Variants in ATRX observed in about 807,000 individuals in gnomAD.
ATRX encodes the protein chromatin remodeler ATRX.
ATRX carries 12 observed loss-of-function variants against 172.6 expected under a neutral mutation model. The observed-to-expected ratio is 0.07, with a 90% confidence interval of 0.04 to 0.11. The LOEUF (loss-of-function observed/expected upper bound fraction) is 0.11. Ranked by LOEUF, ATRX falls within the 10% of genes least tolerant of loss-of-function variation. The pLI, the probability that ATRX is intolerant of heterozygous loss-of-function variation, is 1.00. For synonymous variants in ATRX, 674 were observed against 594.7 expected, an observed-to-expected ratio of 1.13 and a Z score of -1.94; for missense variants, 1,368 against 1,767.4, an observed-to-expected ratio of 0.77 and a Z score of 4.05.
At chrX:77,528,915 C>T (rs1557045163) in intron 30 of ATRX, among the ~76,000 whole-genome samples, 1 of 111,746 alleles carries the variant, frequency 8.9e-6, no homozygotes, top group Non-Finnish European at 1.9e-5. Context: ...CTAAGAATCA[C>T]GATAAAACAA....
intron 19 of ATRX, among the ~76,000 whole-genome samples, chrX:77,622,778 A>G (rs1278309583): frequency 1.1e-4 from 12 of 110,402 alleles, no homozygotes; most frequent in Non-Finnish European, 2.3e-4. Context: ...TCGGCGCTGG[A>G]GGGGTAGGGG....
At chrX:77,657,613 A>T (rs1701814053) in intron 12 of ATRX, among the ~76,000 whole-genome samples, 4 of 111,596 alleles carry the variant, frequency 3.6e-5, no homozygotes, top group African/African-American at 1.3e-4. Flanking sequence ...TATTGATATA[A>T]ATAATGCAAT....
At position 77,568,207 on chromosome X, in the gene ATRX, T is replaced by C. The variant is rs1314686488; in HGVS notation, c.6326+6043A>G. On this transcript the variant is annotated intron_variant, in intron 28 of 34. Transcript: ENST00000373344. ...AATCAAGGGAATAAAACACTAGTTATTTGTAACAATTAATGAAACTGACAA... is the reference window on the plus strand; with the variant it reads ...AATCAAGGGAATAAAACACTAGTTACTTGTAACAATTAATGAAACTGACAA... 5.5e-5 allele frequency among the ~76,000 whole-genome samples: 6 copies of C among 108,171 alleles called. No individual in the cohort carries two copies. The Admixed American group carries it at 5.9e-4, about 11-fold the overall frequency. The allele number at this position is 108,171 out of a possible 115,157, so 93.9% of individuals were successfully genotyped here. A position where few individuals can be genotyped will look rare whatever the true frequency, so the allele number is the denominator to read the frequency against.
intron 1 of ATRX, among the ~76,000 whole-genome samples, chrX:77,747,789 A>AT (rs1232065248): frequency 4.5e-5 from 5 of 111,557 alleles, no homozygotes; most frequent in Non-Finnish European, 5.6e-5. Flanking sequence ...ATTTCTGACT[A>AT]TATCTAATCT....
chrX:77,680,827 A>T (rs2071146157), intron 9 of ATRX, among the ~76,000 whole-genome samples: 1 of 111,697 alleles, frequency 9.0e-6, no homozygotes, highest in Non-Finnish European at 1.9e-5. Flanking sequence ...ACTTATTTTT[A>T]AAATTATTTT....
At chrX:77,737,223 T>G (rs1317814926) in intron 1 of ATRX, among the ~76,000 whole-genome samples, 3 of 109,899 alleles carry the variant, frequency 2.7e-5, no homozygotes, top group Admixed American at 1.9e-4. Flanking sequence ...AGGAGTTCGA[T>G]AGCAGCCTGG....
intron 12 of ATRX, 81 bp from the exon 13 acceptor site, chrX:77,656,734 A>G: frequency 1.3e-6 from 1 of 772,230 alleles, no homozygotes; most frequent in South Asian, 2.5e-5. Context: ...CTGACTCGAC[A>G]TTAAAACAGA....
At chrX:77,638,655 C>T (rs1382748275) in intron 15 of ATRX, among the ~76,000 whole-genome samples, 2 of 112,530 alleles carry the variant, frequency 1.8e-5, no homozygotes, top group African/African-American at 6.5e-5. Flanking sequence ...TAAAACCATA[C>T]GATCATTGTC....
intron 22 of ATRX, among the ~76,000 whole-genome samples, chrX:77,602,326 C>CT (rs34574320): frequency 3.7e-5 from 4 of 108,765 alleles, no homozygotes; most frequent in East Asian, 2.9e-4. Context: ...TTAGCTGTGC[C>CT]TTTTTTTTTC....
chrX:77,632,058 GCA>G (rs1557105825), intron 19 of ATRX, among the ~76,000 whole-genome samples: 1 of 110,388 alleles, frequency 9.1e-6, no homozygotes, highest in Non-Finnish European at 1.9e-5. Context: ...GAGTGCAGTG[GCA>G]CAATCTTGGC....
chrX:77,759,374 C>T (rs2075633518), intron 1 of ATRX, among the ~76,000 whole-genome samples: 2 of 108,841 alleles, frequency 1.8e-5, no homozygotes, highest in Admixed American at 2.0e-4. Context: ...AAAAAAACAA[C>T]AACTATCCAC....
chrX:77,724,381 GA>G (rs1224450483), intron 1 of ATRX, among the ~76,000 whole-genome samples: 18 of 102,082 alleles, frequency 1.8e-4, no homozygotes, highest in African/African-American at 6.4e-4. Flanking sequence ...ATTTGAAAAA[GA>G]AAAAAAAAAC....
intron 34 of ATRX, 35 bp from the exon 35 acceptor site, chrX:77,508,664 T>C (rs1557034994): frequency 8.3e-7 from 1 of 1,204,701 alleles, no homozygotes; most frequent in East Asian, 3.0e-5. Context: ...TACAAGTGCA[T>C]GACCTGTCTC....
rs2063255873 is a variant in ATRX, at chrX:77,522,257, A to G, written c.6975+6T>C. ...TGTCAAACTACTTTTGTACTTCACA[A>G]CTCACCTCCAGCTGTTGATTACTCA... is the stretch of plus-strand genomic sequence containing the variant. On this transcript the variant is annotated splice_donor_region_variant and intron_variant, in intron 32 of 34. Transcript: ENST00000373344. 2.5e-6 allele frequency: 3 copies of G among 1,210,299 alleles called. No individual in the cohort carries two copies. The African/African-American group carries it at 5.2e-5, about 21-fold the overall frequency.
intron 12 of ATRX, 28 bp from the exon 13 acceptor site, chrX:77,656,681 A>G (rs782177678): frequency 1.8e-6 from 2 of 1,093,363 alleles, no homozygotes; most frequent in Non-Finnish European, 2.5e-6. Context: ...ACATAAAATT[A>G]TTAATTATTT....
Position 77,724,585 on chromosome X carries a change from T to G in ATRX, c.21-7342A>C, listed in dbSNP as rs782715809. Among the ~76,000 whole-genome samples the G allele has an allele frequency of 6.3e-5, 7 of 111,041 alleles. No homozygotes were observed. In the South Asian group the frequency reaches 2.7e-3, roughly 43 times the overall value. ...GTATGATTTTTGGAAATAGCCAGTT[T>G]TCACTTAGAGTCAAATATGGTGAAA... On this transcript the variant is annotated intron_variant, in intron 1 of 34. Coordinates refer to ENST00000373344, the MANE Select transcript of ATRX (RefSeq NM_000489.6).
At chrX:77,616,460 A>C in intron 22 of ATRX, 153 bp downstream of exon 22, 1 of 1,159,903 alleles carries the variant, frequency 8.6e-7, no homozygotes, top group Non-Finnish European at 1.2e-6. Flanking sequence ...TCAGTGTTTT[A>C]ATTAGAAATA....
chrX:77,638,572 G>A (rs189915739), intron 15 of ATRX, among the ~76,000 whole-genome samples: 39 of 112,713 alleles, frequency 3.5e-4, no homozygotes, highest in Non-Finnish European at 6.4e-4. Context: ...ATTTTGAAGC[G>A]AACACAAGAA....
chrX:77,629,402 T>G, intron 19 of ATRX, among the ~76,000 whole-genome samples: 1 of 112,348 alleles, frequency 8.9e-6, no homozygotes, highest in Non-Finnish European at 1.9e-5. Flanking sequence ...CAAAGAAAAT[T>G]ATATCTAGAT....
Sources: gnomAD v4.1 joint callset for allele counts (sites outside exome capture counted in the v4.1 genomes callset) on GRCh38, gnomAD v4.1.1 for gene constraint, MANE v1.5 for transcripts, NCBI Gene and HGNC (gene_info 2026-07-23, HGNC 2026-07-21) for gene names.